CLVS1: variants seen among roughly 807,000 people sequenced by gnomAD.
CLVS1 encodes the protein clavesin-1.
In CLVS1, 10 loss-of-function variants were observed where a neutral mutation model predicts 33.1. The observed-to-expected ratio is 0.30, with a 90% CI of 0.19 to 0.51. The LOEUF (loss-of-function observed/expected upper bound fraction) is 0.51, where lower values mean the gene tolerates loss of function less well. Among genes scored for constraint, CLVS1 ranks in the 20% least tolerant of loss-of-function variants. CLVS1 has a pLI of 0.97. For missense variants in CLVS1, 343 were observed against 433.4 expected (o/e 0.79, Z 1.85); for synonymous variants, 163 against 166.1 (o/e 0.98, Z 0.14).
intron 2 of CLVS1, among the ~76,000 whole-genome samples, chr8:61,273,411 A>C (rs1563472292): frequency 6.6e-6 from 1 of 152,162 alleles, no homozygotes; most frequent in East Asian, 1.9e-4. Context: ...AGAGAGGGAC[A>C]TTTAAGTCTG....
chr8:61,097,064 T>G (rs1397253679), intron 1 of CLVS1, among the ~76,000 whole-genome samples: 1 of 151,970 alleles, frequency 6.6e-6, no homozygotes, highest in Non-Finnish European at 1.5e-5. Context: ...AACCCACTAT[T>G]AAAAACACAG....
At chr8:61,448,341 G>T (rs1015300010) in intron 3 of CLVS1, among the ~76,000 whole-genome samples, 1 of 151,816 alleles carries the variant, frequency 6.6e-6, no homozygotes, top group African/African-American at 2.4e-5. Flanking sequence ...TTCCAGCCTC[G>T]ATCTCTCTCC....
At chr8:61,026,963 G>C in the CLVS1 span, among the ~76,000 whole-genome samples, 59,339 of 151,922 alleles carry the variant, frequency 0.39, 15,624 homozygotes, top group African/African-American at 0.74. Flanking sequence ...TGAAACTTGC[G>C]TGATTAGTCT....
chr8:61,155,892 T>C (rs964066032), intron 2 of CLVS1, among the ~76,000 whole-genome samples: 1 of 152,132 alleles, frequency 6.6e-6, no homozygotes, highest in African/African-American at 2.4e-5. Flanking sequence ...AGCTCCTCCC[T>C]GAGGGATGTC....
At chr8:61,293,726 C>T (rs997464823) in intron 1 of CLVS1, among the ~76,000 whole-genome samples, 1 of 151,840 alleles carries the variant, frequency 6.6e-6, no homozygotes, top group Non-Finnish European at 1.5e-5. Flanking sequence ...AGGGTTAACC[C>T]AATTCAATAT....
intron 3 of CLVS1, among the ~76,000 whole-genome samples, chr8:61,420,492 C>T (rs2129604582): frequency 1.3e-5 from 2 of 152,162 alleles, no homozygotes; most frequent in Middle Eastern, 6.8e-3. Context: ...GTCCGAGCTA[C>T]TCGGGAGGCT....
chr8:61,421,832 C>T (rs1190256760), intron 3 of CLVS1, among the ~76,000 whole-genome samples: 2 of 152,122 alleles, frequency 1.3e-5, no homozygotes, highest in Non-Finnish European at 2.9e-5. Flanking sequence ...TGCTACTTCA[C>T]CTCTCTGTGG....
At chr8:61,032,223 C>T in the CLVS1 span, among the ~76,000 whole-genome samples, 1 of 152,166 alleles carries the variant, frequency 6.6e-6, no homozygotes, top group African/African-American at 2.4e-5. Flanking sequence ...TGGGGACAGG[C>T]AGGGCACCAG....
At chr8:61,374,686 A>G (rs528445832) in intron 2 of CLVS1, among the ~76,000 whole-genome samples, 2 of 152,348 alleles carry the variant, frequency 1.3e-5, no homozygotes, top group Admixed American at 1.3e-4. Context: ...CTGAAAGGAA[A>G]CCATAATGAC....
chr8:61,298,200 C>T (rs972624587), intron 1 of CLVS1, among the ~76,000 whole-genome samples: 2 of 152,070 alleles, frequency 1.3e-5, no homozygotes, highest in African/African-American at 4.8e-5. Flanking sequence ...GGAATTTTAA[C>T]ATCAGGTGGG....
chr8:61,385,011 G>C (rs1455119147), intron 3 of CLVS1, among the ~76,000 whole-genome samples: 3 of 152,094 alleles, frequency 2.0e-5, no homozygotes, highest in Non-Finnish European at 2.9e-5. Flanking sequence ...GGTTGAAGTG[G>C]GGTAGAGAAA....
At chr8:61,030,410 A>G in the CLVS1 span, among the ~76,000 whole-genome samples, 1 of 152,190 alleles carries the variant, frequency 6.6e-6, no homozygotes, top group Non-Finnish European at 1.5e-5. Context: ...ACATTTTGCA[A>G]CATTAATGGA....
chr8:61,463,440 C>T (rs1817438955), intron 5 of CLVS1, among the ~76,000 whole-genome samples: 1 of 152,188 alleles, frequency 6.6e-6, no homozygotes, highest in Admixed American at 6.5e-5. Context: ...TCTGAGCTTT[C>T]AGTGTGCCTT....
chr8:61,046,749 C>A, the CLVS1 span, among the ~76,000 whole-genome samples: 1 of 151,784 alleles, frequency 6.6e-6, no homozygotes, highest in African/African-American at 2.4e-5. Context: ...CTCTTTGAAG[C>A]AATTGTGAAT....
chr8:61,324,342 C>T (rs141525486), intron 2 of CLVS1, among the ~76,000 whole-genome samples: 248 of 123,552 alleles, frequency 2.0e-3, no homozygotes, highest in African/African-American at 5.9e-3. Context: ...TCTGCTTTTG[C>T]ATCCTTCTCA....
chr8:61,339,903 G>A (rs973908862), intron 2 of CLVS1, among the ~76,000 whole-genome samples: 1 of 150,218 alleles, frequency 6.7e-6, no homozygotes, highest in Admixed American at 6.6e-5. Context: ...GAGAAAGGGA[G>A]GGAGGGAAAG....
chr8:61,318,935 G>A (rs1811104493), intron 2 of CLVS1, among the ~76,000 whole-genome samples: 1 of 151,988 alleles, frequency 6.6e-6, no homozygotes, highest in South Asian at 2.1e-4. Flanking sequence ...TTTTAATTCA[G>A]TGTCTATAGT....
At chr8:61,485,431 A>G (rs1426003793) in intron 5 of CLVS1, among the ~76,000 whole-genome samples, 1 of 152,246 alleles carries the variant, frequency 6.6e-6, no homozygotes, top group African/African-American at 2.4e-5. Context: ...CGATCATTAA[A>G]AAGTCAGGAA....
At chr8:61,184,562 C>T (rs1224855925) in intron 2 of CLVS1, among the ~76,000 whole-genome samples, 2 of 152,164 alleles carry the variant, frequency 1.3e-5, no homozygotes, top group Non-Finnish European at 2.9e-5. Context: ...CTCAGCCCTC[C>T]CTGTGGGGCA....
Sources: allele counts gnomAD v4.1 joint callset (sites outside exome capture counted in the v4.1 genomes callset), GRCh38; gene constraint gnomAD v4.1.1; transcripts MANE v1.5; gene names NCBI Gene and HGNC (gene_info 2026-07-23, HGNC 2026-07-21).